Variants in NINL observed in about 807,000 individuals in gnomAD.
NINL encodes the protein ninein like, also known as ninein-like protein.
A neutral mutation model predicts 160.3 loss-of-function variants in NINL; 153 were observed. The ratio of observed to expected loss-of-function variants is 0.95; its 90% CI spans 0.84 to 1.09. NINL has a LOEUF of 1.09. Among genes scored for constraint, NINL ranks in the 50% least tolerant of loss-of-function variants. NINL has a pLI of 0.00. For missense variants in NINL, 1,829 were observed against 1,764.0 expected, an observed-to-expected ratio of 1.04 and a Z score of -0.66; for synonymous variants, 800 against 734.8, an observed-to-expected ratio of 1.09 and a Z score of -1.43.
chr20:25,551,699 G>C (rs542953004), intron 1 of NINL, among the ~76,000 whole-genome samples: 1 of 152,292 alleles, frequency 6.6e-6, no homozygotes, highest in South Asian at 2.1e-4. Flanking sequence ...CTCAGCACCC[G>C]TATGTTTTAT....
chr20:25,536,448 C>T (rs561782315), intron 1 of NINL, among the ~76,000 whole-genome samples: 9 of 152,338 alleles, frequency 5.9e-5, no homozygotes, highest in South Asian at 4.1e-4. Flanking sequence ...CAGTGGCTCA[C>T]GCCTATAATC....
At chr20:25,570,952 CT>C (rs1373773125) in intron 1 of NINL, among the ~76,000 whole-genome samples, 3 of 151,882 alleles carry the variant, frequency 2.0e-5, no homozygotes, top group Non-Finnish European at 4.4e-5. Flanking sequence ...ATCCATCCAT[CT>C]CAGCCTTCCA....
At chr20:25,575,920 CT>C (rs1479641765) in intron 1 of NINL, among the ~76,000 whole-genome samples, 1 of 152,158 alleles carries the variant, frequency 6.6e-6, no homozygotes, top group African/African-American at 2.4e-5. Context: ...CTATCTACCC[CT>C]GCTCCTCTCC....
chr20:25,480,139 C>G, intron 15 of NINL, 22 bp downstream of exon 15: 11 of 1,581,812 alleles, frequency 7.0e-6, no homozygotes, highest in Non-Finnish European at 9.6e-6. Flanking sequence ...CCCAGGGCCC[C>G]ACAGCCCCAT....
intron 13 of NINL, among the ~76,000 whole-genome samples, chr20:25,486,129 T>C (rs1478128445): frequency 2.4e-4 from 37 of 152,166 alleles, no homozygotes. Flanking sequence ...TGCATGTGGG[T>C]AAAGGGTACA....
At chr20:25,525,216 G>A (rs2064335974) in intron 2 of NINL, among the ~76,000 whole-genome samples, 2 of 152,190 alleles carry the variant, frequency 1.3e-5, no homozygotes, top group African/African-American at 4.8e-5. Flanking sequence ...GGCAGGTGAG[G>A]CTTCTTTGAG....
chr20:25,558,101 A>AT (rs1348888118), intron 1 of NINL, among the ~76,000 whole-genome samples: 1 of 152,210 alleles, frequency 6.6e-6, no homozygotes, highest in East Asian at 1.9e-4. Context: ...AGATCATGCC[A>AT]TTACACTATA....
chr20:25,478,770 G>A (rs904693132), intron 16 of NINL, 153 bp downstream of exon 16: 1 of 737,426 alleles, frequency 1.4e-6, no homozygotes, highest in Non-Finnish European at 2.1e-6. Context: ...CCTCATGCCA[G>A]GACCTGTTCT....
intron 14 of NINL, among the ~76,000 whole-genome samples, chr20:25,480,727 A>G (rs1287054428): frequency 1.3e-5 from 2 of 152,130 alleles, no homozygotes; most frequent in Admixed American, 6.5e-5. Context: ...TTATTATTTC[A>G]TCACATAAAC....
At position 25,516,915 on chromosome 20, in the gene NINL, G is replaced by A. The variant is rs559255691; in HGVS notation, c.277+838C>T. On this transcript the variant is annotated intron_variant, in intron 3 of 23. Coordinates refer to ENST00000278886, the MANE Select transcript of NINL (RefSeq NM_025176.6). Reference sequence around the variant, plus strand: ...CTGGAGAACCGGGACCCAAATCCTGGCCATCGCTTACTAACTGTGGAATGG... The same window carrying A: ...CTGGAGAACCGGGACCCAAATCCTGACCATCGCTTACTAACTGTGGAATGG... Among the ~76,000 whole-genome samples the A allele has an allele frequency of 1.2e-4, 18 of 152,248 alleles. No homozygotes were observed. In the East Asian group the frequency reaches 3.5e-3, roughly 29 times the overall value.
chr20:25,500,615 A>C (rs1315148530), intron 8 of NINL, among the ~76,000 whole-genome samples: 1 of 152,230 alleles, frequency 6.6e-6, no homozygotes, highest in African/African-American at 2.4e-5. Context: ...TTTTCACACT[A>C]ACTTTGTGTT....
rs1256620720 is a variant in NINL, at chr20:25,489,271, G to T, written c.1650C>A (p.Val550=). The change falls in exon 13 of 24, where the codon GTC becomes GTA. Residue 550 remains valine (V), a synonymous_variant. Coordinates refer to ENST00000278886, the MANE Select transcript of NINL (RefSeq NM_025176.6). ...LLAQEERFAA[V]LKEYELKCRD... is the part of the protein sequence containing the mutation. ...GGCACTTGAGCTCGTATTCCTTCAG[G>T]ACTGCTGCGAACCGCTCCTCCTGGG... The T allele has an allele frequency of 1.2e-6, 2 of 1,614,004 alleles. No homozygotes were observed. The highest frequency in any genetic ancestry group is 2.7e-5 in the African/African-American group (2 of 74,918).
chr20:25,454,696 C>G (rs890421577), intron 23 of NINL, among the ~76,000 whole-genome samples: 2 of 152,158 alleles, frequency 1.3e-5, no homozygotes, highest in African/African-American at 2.4e-5. Context: ...CGGGCCTCTT[C>G]TGTGTGTGCA....
At chr20:25,571,824 C>G (rs556313738) in intron 1 of NINL, among the ~76,000 whole-genome samples, 30 of 135,766 alleles carry the variant, frequency 2.2e-4, no homozygotes, top group African/African-American at 8.4e-4. Flanking sequence ...ACCAAGATCA[C>G]ACCACTGCAC....
intron 1 of NINL, among the ~76,000 whole-genome samples, chr20:25,558,308 A>G (rs1006224260): frequency 1.3e-5 from 2 of 152,164 alleles, no homozygotes; most frequent in African/African-American, 4.8e-5. Context: ...CCTGGATTCA[A>G]GCGATTCTCC....
chr20:25,453,361 T>G lies in NINL; in HGVS notation c.*90A>C. The G allele has an allele frequency of 8.6e-7, 1 of 1,162,790 alleles. No individual in the cohort carries two copies. Among genetic ancestry groups the G allele is most frequent in the Non-Finnish European group, 1.2e-6 (1 of 810,196 alleles). The allele number at this position is 1,162,790 out of a possible 1,614,324, so 72.0% of individuals were successfully genotyped here. A position where few individuals can be genotyped will look rare whatever the true frequency, so the allele number is the denominator to read the frequency against. On this transcript the variant is annotated 3_prime_UTR_variant, in exon 24 of 24. Coordinates refer to ENST00000278886, the MANE Select transcript of NINL (RefSeq NM_025176.6). ...TCCCAATCCTCAGATGTCCCAGGAC[T>G]CATGGCTCATGACCCACGGAATCTA...
chr20:25,492,429 A>G (rs1246416440), intron 10 of NINL, among the ~76,000 whole-genome samples: 3 of 152,188 alleles, frequency 2.0e-5, no homozygotes, highest in Non-Finnish European at 4.4e-5. Context: ...CTCTGTGGCC[A>G]TCAGAAAAGC....
At chr20:25,556,847 C>T (rs913473428) in intron 1 of NINL, among the ~76,000 whole-genome samples, 9 of 152,010 alleles carry the variant, frequency 5.9e-5, no homozygotes, top group Non-Finnish European at 1.3e-4. Flanking sequence ...CTGATCTTTC[C>T]CCAAATAAAA....
In NINL at chr20:25,476,353, C is replaced by G; in HGVS notation, c.2938G>C (p.Glu980Gln). 1 of 1,612,238 alleles carries G rather than the reference C, an allele frequency of 6.2e-7. No individual in the cohort carries two copies. The highest frequency in any genetic ancestry group is 1.1e-5 in the South Asian group (1 of 91,082). Reference sequence around the variant, plus strand: ...CTGCTCCAGCTTCGTGCTCGCTCTTCCTGAATGGCCTGTAGCCTCTCAGCC... The same window carrying G: ...CTGCTCCAGCTTCGTGCTCGCTCTTGCTGAATGGCCTGTAGCCTCTCAGCC... Reference protein sequence around the residue: ...GQAERLQAIQEERARSWSRGT... With the variant: ...GQAERLQAIQQERARSWSRGT... The change falls in exon 17 of 24, where the codon GAA becomes CAA. Residue 980 changes from glutamate to glutamine, a missense_variant. Physicochemically the swap from Glu to Gln is conservative, Grantham distance 29. Coordinates refer to ENST00000278886, the MANE Select transcript of NINL (RefSeq NM_025176.6).
Sources: allele counts gnomAD v4.1 joint callset (sites outside exome capture counted in the v4.1 genomes callset), GRCh38; gene constraint gnomAD v4.1.1; transcripts MANE v1.5; gene names NCBI Gene and HGNC (gene_info 2026-07-23, HGNC 2026-07-21).